The following BCL2 variants were observed in gnomAD, a reference collection of about 807,000 sequenced individuals.
BCL2 encodes the protein apoptosis regulator Bcl-2.
In BCL2, 1 loss-of-function variant was observed where a neutral mutation model predicts 14.2. That is an observed-to-expected ratio of 0.07 (90% CI 0.02 to 0.33). BCL2 has a LOEUF of 0.33. Among genes scored for constraint, BCL2 ranks in the 10% least tolerant of loss-of-function variants. BCL2 has a pLI of 0.99. For missense variants in BCL2, 247 were observed against 305.9 expected (o/e 0.81, Z 1.44); for synonymous variants, 151 against 137.2 (o/e 1.10, Z -0.70).
intron 2 of BCL2, among the ~76,000 whole-genome samples, chr18:63,282,611 A>T (rs933726171): frequency 2.0e-5 from 3 of 152,202 alleles, no homozygotes; most frequent in African/African-American, 7.2e-5. Flanking sequence ...CTCAAATGCC[A>T]TTACACATTT....
intron 2 of BCL2, among the ~76,000 whole-genome samples, chr18:63,203,509 T>A (rs543075958): frequency 6.6e-6 from 1 of 152,350 alleles, no homozygotes; most frequent in Non-Finnish European, 1.5e-5. Context: ...AGCACATGTA[T>A]ATCTTTAGAA....
At chr18:63,310,860 T>C (rs1032070862) in intron 2 of BCL2, among the ~76,000 whole-genome samples, 12 of 152,212 alleles carry the variant, frequency 7.9e-5, no homozygotes, top group African/African-American at 2.9e-4. Flanking sequence ...TGGCTTTGTC[T>C]CCCTGTTCTT....
chr18:63,168,807 A>G (rs1915108656), intron 2 of BCL2, among the ~76,000 whole-genome samples: 1 of 152,160 alleles, frequency 6.6e-6, no homozygotes, highest in African/African-American at 2.4e-5. Flanking sequence ...GGCGGTCTGC[A>G]TGTTGTAGGA....
intron 2 of BCL2, among the ~76,000 whole-genome samples, chr18:63,301,232 G>A (rs1403506852): frequency 1.3e-5 from 2 of 152,178 alleles, no homozygotes; most frequent in African/African-American, 4.8e-5. Context: ...AAAAGAAACA[G>A]GGAGTTATAG....
intron 2 of BCL2, among the ~76,000 whole-genome samples, chr18:63,177,854 G>C (rs1297380954): frequency 1.3e-5 from 2 of 152,130 alleles, no homozygotes; most frequent in African/African-American, 2.4e-5. Flanking sequence ...GGCTGGATCT[G>C]CCTCCCTGTG....
In BCL2 at chr18:63,319,659, G is replaced by C. The variant is rs1230753257; in HGVS notation, c.-772C>G. The C allele has an allele frequency of 4.5e-6, 1 of 220,804 alleles. No homozygotes were observed. Among genetic ancestry groups the C allele is most frequent in the African/African-American group, 2.2e-5 (1 of 44,566 alleles). 13.7% of individuals were successfully genotyped at this position (220,804 alleles called of 1,614,324 possible). On this transcript the variant is annotated 5_prime_UTR_variant, in exon 1 of 3. Transcript: ENST00000333681. ...AGGAATCCTCTTCTGATTAAACTCC[G>C]AACAGCAAATGCATTTTCCGAAAAG...
chr18:63,267,674 G>A (rs1458287448), intron 2 of BCL2, among the ~76,000 whole-genome samples: 2 of 152,226 alleles, frequency 1.3e-5, no homozygotes, highest in Non-Finnish European at 2.9e-5. Flanking sequence ...AGGACCTGCA[G>A]TAAATATATA....
At position 63,124,510 on chromosome 18, in the gene BCL2, G is replaced by A; in HGVS notation, c.*4115C>T. On this transcript the variant is annotated 3_prime_UTR_variant, in exon 3 of 3. Transcript: ENST00000333681. ...GAGGCATCACATCGACCCCAATACA[G>A]GTCCTTCATACCCTTAGTTCTGGTT... 4.3e-6 allele frequency: 1 copy of A among 231,802 alleles called. No individual in the cohort carries two copies. Among genetic ancestry groups the A allele is most frequent in the East Asian group, 6.1e-5 (1 of 16,524 alleles). The allele number at this position is 231,802 out of a possible 1,614,324, so 14.4% of individuals were successfully genotyped here.
intron 2 of BCL2, among the ~76,000 whole-genome samples, chr18:63,306,842 CTTT>C (rs11407054): frequency 4.3e-5 from 6 of 140,892 alleles, no homozygotes; most frequent in Admixed American, 7.1e-5. Context: ...TTTTTTTGTG[CTTT>C]TTTTTTTTTT....
At chr18:63,243,133 G>A (rs6567333) in intron 2 of BCL2, among the ~76,000 whole-genome samples, 114,296 of 152,002 alleles carry the variant, frequency 0.75, 45,021 homozygotes, top group Non-Finnish European at 0.87. Flanking sequence ...ACTGGATAAA[G>A]AAAATTTGGT....
intron 2 of BCL2, among the ~76,000 whole-genome samples, chr18:63,177,443 C>T (rs1216798042): frequency 6.6e-6 from 1 of 152,292 alleles, no homozygotes; most frequent in Admixed American, 6.5e-5. Flanking sequence ...GGGCAGGTTC[C>T]CCGCGTGCTA....
chr18:63,247,801 G>A (rs1483190673), intron 2 of BCL2, among the ~76,000 whole-genome samples: 1 of 152,174 alleles, frequency 6.6e-6, no homozygotes, highest in Non-Finnish European at 1.5e-5. Context: ...GTTTAAAAGA[G>A]GAGAGGCTTC....
intron 2 of BCL2, chr18:63,317,074 G>T (rs1305003208): frequency 6.6e-6 from 1 of 152,128 alleles, no homozygotes; most frequent in Non-Finnish European, 1.5e-5. Flanking sequence ...AAGTACAATT[G>T]TATGGTATAA....
intron 2 of BCL2, among the ~76,000 whole-genome samples, chr18:63,182,019 T>C (rs962928722): frequency 6.6e-6 from 1 of 152,222 alleles, no homozygotes; most frequent in East Asian, 1.9e-4. Flanking sequence ...GCCCTTGATT[T>C]CTTCCTTCTC....
intron 2 of BCL2, among the ~76,000 whole-genome samples, chr18:63,281,502 C>CA (rs758883626): frequency 7.4e-4 from 113 of 151,678 alleles, no homozygotes; most frequent in Middle Eastern, 6.8e-3. Context: ...CCTGTCTCTA[C>CA]AAAAAAATAC....
chr18:63,211,015 T>C (rs534975737), intron 2 of BCL2, among the ~76,000 whole-genome samples: 18 of 151,882 alleles, frequency 1.2e-4, no homozygotes, highest in Admixed American at 3.3e-4. Context: ...AATCTGTCCA[T>C]TTGTCCTTTT....
chr18:63,204,018 T>G (rs1425151422), intron 2 of BCL2, among the ~76,000 whole-genome samples: 1 of 152,206 alleles, frequency 6.6e-6, no homozygotes, highest in Non-Finnish European at 1.5e-5. Flanking sequence ...AAACACAAGC[T>G]TAAAATATCT....
chr18:63,276,050 G>T (rs1272331296), intron 2 of BCL2, among the ~76,000 whole-genome samples: 1 of 152,196 alleles, frequency 6.6e-6, no homozygotes, highest in East Asian at 1.9e-4. Context: ...ACCATGGGGT[G>T]CCCCCACCCT....
At chr18:63,211,593 T>C (rs1036002464) in intron 2 of BCL2, among the ~76,000 whole-genome samples, 1 of 152,246 alleles carries the variant, frequency 6.6e-6, no homozygotes, top group African/African-American at 2.4e-5. Context: ...ACTGTCTGCA[T>C]TTTATTTTGG....
Sources: gnomAD v4.1 joint callset for allele counts (sites outside exome capture counted in the v4.1 genomes callset) on GRCh38, gnomAD v4.1.1 for gene constraint, MANE v1.5 for transcripts, NCBI Gene and HGNC (gene_info 2026-07-23, HGNC 2026-07-21) for gene names.